Variants in GPC6 observed in about 807,000 individuals in gnomAD.
GPC6 encodes the protein glypican-6.
A neutral mutation model predicts 55.2 loss-of-function variants in GPC6; 14 were observed. The observed-to-expected ratio is 0.25, with a 90% CI of 0.17 to 0.40. The LOEUF (loss-of-function observed/expected upper bound fraction) is 0.40, where lower values mean the gene tolerates loss of function less well. Among genes scored for constraint, GPC6 ranks in the 10% least tolerant of loss-of-function variants. The pLI is 1.00. For missense variants in GPC6, 641 were observed against 708.5 expected, an observed-to-expected ratio of 0.90 and a Z score of 1.08; for synonymous variants, 278 against 259.6, an observed-to-expected ratio of 1.07 and a Z score of -0.68.
intron 2 of GPC6, among the ~76,000 whole-genome samples, chr13:93,554,227 A>G (rs1875333254): frequency 6.6e-6 from 1 of 151,998 alleles, no homozygotes; most frequent in African/African-American, 2.4e-5. Context: ...CATTGTACAT[A>G]CGGAACAATG....
At chr13:93,968,166 T>C (rs1880128737) in intron 3 of GPC6, among the ~76,000 whole-genome samples, 1 of 152,282 alleles carries the variant, frequency 6.6e-6, no homozygotes, top group Non-Finnish European at 1.5e-5. Context: ...AAATGCTCAT[T>C]GTTAGAAGAA....
intron 1 of GPC6, among the ~76,000 whole-genome samples, chr13:93,390,355 A>C (rs1348739739): frequency 1.3e-5 from 2 of 152,086 alleles, no homozygotes. Context: ...CTGTGTTTCT[A>C]CTGCTGGTGA....
intron 4 of GPC6, among the ~76,000 whole-genome samples, chr13:94,236,520 C>T (rs934786079): frequency 6.6e-6 from 1 of 152,056 alleles, no homozygotes; most frequent in Non-Finnish European, 1.5e-5. Context: ...AAGACAATTG[C>T]ATAAAATGCT....
rs189743674 is a variant in GPC6, at chr13:93,421,923, T to C, written c.161-123340T>C. Reference sequence around the variant, plus strand: ...TGATTGATTCCCTCAGCCTAACTGATAGAGTATTTTTTCTCCTGACCTTGG... The same window carrying C: ...TGATTGATTCCCTCAGCCTAACTGACAGAGTATTTTTTCTCCTGACCTTGG... On this transcript the variant is annotated intron_variant, in intron 1 of 8. Coordinates refer to ENST00000377047, the MANE Select transcript of GPC6 (RefSeq NM_005708.5). Among the ~76,000 whole-genome samples the C allele has an allele frequency of 3.7e-4, 56 of 152,304 alleles. No individual in the cohort carries two copies. The East Asian group carries it at 9.3e-3, about 25-fold the overall frequency.
Position 93,875,325 on chromosome 13 carries a change from C to T in GPC6, c.711+44780C>T, listed in dbSNP as rs534611337. 8.5e-5 allele frequency among the ~76,000 whole-genome samples: 13 copies of T among 152,140 alleles called. 1 individual carries two copies. In the South Asian group the frequency reaches 1.5e-3, roughly 17 times the overall value. ...TGGCTTTGTTTAAGATGACTCTTCTCGGAAGGATCTCAACAGTTTTCACTT... is the reference window on the plus strand; with the variant it reads ...TGGCTTTGTTTAAGATGACTCTTCTTGGAAGGATCTCAACAGTTTTCACTT... On this transcript the variant is annotated intron_variant, in intron 3 of 8. Transcript: ENST00000377047.
At chr13:94,058,195 T>A (rs1566348407) in intron 4 of GPC6, among the ~76,000 whole-genome samples, 1 of 152,142 alleles carries the variant, frequency 6.6e-6, no homozygotes, top group Non-Finnish European at 1.5e-5. Context: ...AGTACTCAAT[T>A]GTTATATATA....
chr13:94,371,028 T>C (rs757380020), intron 6 of GPC6, among the ~76,000 whole-genome samples: 2 of 152,188 alleles, frequency 1.3e-5, no homozygotes, highest in African/African-American at 2.4e-5. Flanking sequence ...TCCTATTCCA[T>C]TGAATGAGTT....
chr13:94,014,883 T>C (rs1882398849), intron 3 of GPC6, among the ~76,000 whole-genome samples: 1 of 152,346 alleles, frequency 6.6e-6, no homozygotes, highest in East Asian at 1.9e-4. Context: ...TCCTTTTAAT[T>C]GGTGAATAAT....
At chr13:93,723,733 A>T (rs143168662) in intron 2 of GPC6, among the ~76,000 whole-genome samples, 108 of 152,082 alleles carry the variant, frequency 7.1e-4, no homozygotes, top group African/African-American at 2.5e-3. Flanking sequence ...TTTTATTCCA[A>T]CCAGATTTCA....
chr13:93,460,011 G>A (rs1032642964), intron 1 of GPC6, among the ~76,000 whole-genome samples: 1 of 152,174 alleles, frequency 6.6e-6, no homozygotes, highest in Non-Finnish European at 1.5e-5. Flanking sequence ...TTGGCTTCTA[G>A]GGTGTGTGTT....
rs115821312 is a variant in GPC6 at position 93,745,939 on chromosome 13, G to A, written c.320-84215G>A. 1.4e-3 allele frequency among the ~76,000 whole-genome samples: 216 copies of A among 152,222 alleles called. 1 individual carries two copies. The highest frequency in any genetic ancestry group is 5.1e-3 in the African/African-American group (212 of 41,530). ...AATCCATGATTTTGACCATCATGAA[G>A]GATAAGAAACAAATCAGTGATAATG... On this transcript the variant is annotated intron_variant, in intron 2 of 8. Transcript: ENST00000377047.
chr13:93,605,034 G>A (rs75806973), intron 2 of GPC6, among the ~76,000 whole-genome samples: 2,844 of 152,228 alleles, frequency 0.019, 89 homozygotes, highest in African/African-American at 0.065. Flanking sequence ...AGAAGAAATG[G>A]CAATCCTAAA....
At chr13:93,411,025 A>G (rs1429580140) in intron 1 of GPC6, among the ~76,000 whole-genome samples, 1 of 152,200 alleles carries the variant, frequency 6.6e-6, no homozygotes, top group Non-Finnish European at 1.5e-5. Context: ...TGTTTCCCAC[A>G]TTACATAAAC....
intron 1 of GPC6, among the ~76,000 whole-genome samples, chr13:93,338,799 T>C (rs192978733): frequency 6.6e-6 from 1 of 152,286 alleles, no homozygotes; most frequent in East Asian, 1.9e-4. Flanking sequence ...TCATCCAATA[T>C]TTTACTATAT....
intron 1 of GPC6, among the ~76,000 whole-genome samples, chr13:93,441,096 G>A (rs1418727264): frequency 2.6e-5 from 4 of 152,104 alleles, no homozygotes; most frequent in African/African-American, 7.2e-5. Context: ...GTCTATCATT[G>A]ATGGACATTT....
At chr13:94,120,435 A>G (rs2138852738) in intron 4 of GPC6, among the ~76,000 whole-genome samples, 1 of 152,174 alleles carries the variant, frequency 6.6e-6, no homozygotes, top group African/African-American at 2.4e-5. Context: ...TCTATTCTTA[A>G]AGGCCAGGTT....
chr13:93,694,254 T>C (rs1290564987), intron 2 of GPC6, among the ~76,000 whole-genome samples: 1 of 152,160 alleles, frequency 6.6e-6, no homozygotes, highest in African/African-American at 2.4e-5. Context: ...GACAGGGCCC[T>C]GAAATGCAAC....
intron 4 of GPC6, among the ~76,000 whole-genome samples, chr13:94,225,256 A>G (rs1890510512): frequency 6.6e-6 from 1 of 152,054 alleles, no homozygotes. Context: ...ACATCATCTT[A>G]TGTCTTCTTA....
intron 1 of GPC6, among the ~76,000 whole-genome samples, chr13:93,536,639 T>A (rs1373183791): frequency 6.6e-6 from 1 of 152,230 alleles, no homozygotes; most frequent in Non-Finnish European, 1.5e-5. Context: ...GGCATTTTGG[T>A]TGTTTCAACC....
Sources: allele counts gnomAD v4.1 joint callset (sites outside exome capture counted in the v4.1 genomes callset), GRCh38; gene constraint gnomAD v4.1.1; transcripts MANE v1.5; gene names NCBI Gene and HGNC (gene_info 2026-07-23, HGNC 2026-07-21).